The following CERKL variants were observed in gnomAD, a reference collection of about 807,000 sequenced individuals.
CERKL encodes the protein ceramide kinase-like protein.
Under a neutral mutation model 63.4 loss-of-function variants are expected in CERKL, and 61 were observed. The observed-to-expected ratio is 0.96, with a 90% CI of 0.78 to 1.19. The LOEUF (loss-of-function observed/expected upper bound fraction) is 1.19, where lower values mean the gene tolerates loss of function less well. Ranked by LOEUF, CERKL falls within the 50% of genes most tolerant of loss-of-function variation. The pLI is 0.00. For synonymous variants in CERKL, 250 were observed against 230.5 expected (o/e 1.08, Z -0.77); for missense variants, 675 against 655.5 (o/e 1.03, Z -0.33).
At chr2:181,625,698 G>A (rs1198924721) in intron 1 of CERKL, among the ~76,000 whole-genome samples, 2 of 152,120 alleles carry the variant, frequency 1.3e-5, no homozygotes, top group Non-Finnish European at 2.9e-5. Flanking sequence ...AATCTTGAGG[G>A]AAATGCTTTC....
At position 181,547,825 on chromosome 2, in the gene CERKL, A is replaced by T; in HGVS notation, c.1156T>A (p.Ser386Thr). ...AAGGAGATACTTTTCGACTCACCAGATTTGGGAGATCCCTGTGCCCTCCTA... is the reference window on the plus strand; with the variant it reads ...AAGGAGATACTTTTCGACTCACCAGTTTTGGGAGATCCCTGTGCCCTCCTA... ...QERRAQGSPK[S>T]DCNDQWQMIQ... Residue 386 changes from serine (S) to threonine (T), a missense_variant, in exon 9 of 13, where the codon TCT (serine) becomes ACT (threonine). Physicochemically the swap from Ser to Thr is moderately conservative, Grantham distance 58 (BLOSUM62 1). Transcript: ENST00000410087. 1 of 1,614,062 alleles carries T rather than the reference A, an allele frequency of 6.2e-7. No homozygotes were observed. Among genetic ancestry groups the T allele is most frequent in the South Asian group, 1.1e-5 (1 of 91,086 alleles).
intron 2 of CERKL, among the ~76,000 whole-genome samples, chr2:181,595,933 A>G (rs773638037): frequency 1.3e-5 from 2 of 152,362 alleles, no homozygotes; most frequent in Non-Finnish European, 2.9e-5. Flanking sequence ...AATGCTTAAT[A>G]AACATCAGCT....
chr2:181,595,869 G>T (rs1236033743), intron 2 of CERKL, among the ~76,000 whole-genome samples: 1 of 152,012 alleles, frequency 6.6e-6, no homozygotes, highest in African/African-American at 2.4e-5. Flanking sequence ...CTATTATTAT[G>T]AAGATTTAAT....
At chr2:181,616,206 ATTTTTTTTTTT>A (rs35040208) in intron 1 of CERKL, among the ~76,000 whole-genome samples, 2 of 110,056 alleles carry the variant, frequency 1.8e-5, no homozygotes, top group East Asian at 2.8e-4. Flanking sequence ...AAAAATCTAA[ATTTTTTTTTTT>A]TTTTTTTTTT....
In CERKL at chr2:181,538,180, C is replaced by T. The variant is rs534779132; in HGVS notation, c.*4G>A. ...TGTACATTTCTTTTAGAAACAATTA[C>T]ATGTTACTTTGGAATCATTTCTTCC... On this transcript the variant is annotated 3_prime_UTR_variant, in exon 13 of 13. Transcript: ENST00000410087. 25 of 1,546,566 alleles carry T rather than the reference C, an allele frequency of 1.6e-5. No homozygotes were observed. The African/African-American group carries it at 2.4e-4, about 15-fold the overall frequency.
At chr2:181,584,299 G>T (rs1684665074) in intron 2 of CERKL, among the ~76,000 whole-genome samples, 1 of 151,958 alleles carries the variant, frequency 6.6e-6, no homozygotes, top group Non-Finnish European at 1.5e-5. Context: ...AATGCTTGAG[G>T]CCAGGAGTTA....
chr2:181,566,598 A>G (rs1209540826), intron 3 of CERKL, among the ~76,000 whole-genome samples: 1 of 152,184 alleles, frequency 6.6e-6, no homozygotes, highest in Admixed American at 6.6e-5. Context: ...CTGTTAGACT[A>G]AAAAGAGGAA....
intron 2 of CERKL, among the ~76,000 whole-genome samples, chr2:181,593,982 G>C (rs999779404): frequency 6.6e-6 from 1 of 151,908 alleles, no homozygotes; most frequent in Admixed American, 6.6e-5. Context: ...TCAGAGTGCT[G>C]ATTCCTTAGC....
At chr2:181,596,473 G>A (rs1685214344) in intron 2 of CERKL, among the ~76,000 whole-genome samples, 1 of 152,166 alleles carries the variant, frequency 6.6e-6, no homozygotes, top group Non-Finnish European at 1.5e-5. Context: ...TAGAGGTTAT[G>A]AGCTAGGGCT....
intron 5 of CERKL, among the ~76,000 whole-genome samples, chr2:181,554,899 G>T (rs1688140653): frequency 6.6e-6 from 1 of 151,990 alleles, no homozygotes; most frequent in Non-Finnish European, 1.5e-5. Context: ...CCCCACACAT[G>T]ACTTTCCCCT....
intron 1 of CERKL, among the ~76,000 whole-genome samples, chr2:181,637,476 C>G (rs979377032): frequency 1.3e-5 from 2 of 151,938 alleles, no homozygotes; most frequent in African/African-American, 4.8e-5. Flanking sequence ...GGGCATATTG[C>G]TAAGTAAGAA....
intron 1 of CERKL, chr2:181,650,165 A>AAG (rs1687863905): frequency 8.5e-6 from 1 of 117,248 alleles, no homozygotes; most frequent in Non-Finnish European, 1.8e-5. Flanking sequence ...AAGGAAGGAA[A>AAG]GAAGGAAGGA....
intron 2 of CERKL, among the ~76,000 whole-genome samples, chr2:181,575,952 G>A (rs942455135): frequency 2.0e-4 from 31 of 152,134 alleles, no homozygotes; most frequent in African/African-American, 7.0e-4. Context: ...TTGTCTCAGA[G>A]TAAGGCTTCT....
chr2:181,655,533 C>T (rs1688118509), intron 1 of CERKL, among the ~76,000 whole-genome samples: 1 of 152,194 alleles, frequency 6.6e-6, no homozygotes, highest in South Asian at 2.1e-4. Flanking sequence ...TTTTAAAACA[C>T]CTGAAAACAC....
chr2:181,626,281 G>A (rs567768843), intron 1 of CERKL, among the ~76,000 whole-genome samples: 12 of 151,886 alleles, frequency 7.9e-5, no homozygotes, highest in Non-Finnish European at 1.3e-4. Context: ...GAGAAAAAGC[G>A]AACAACAGAG....
chr2:181,543,586 T>C (rs1177576956), intron 11 of CERKL, among the ~76,000 whole-genome samples: 1 of 152,174 alleles, frequency 6.6e-6, no homozygotes, highest in African/African-American at 2.4e-5. Flanking sequence ...TTGCTATGGC[T>C]AAGGTACATA....
intron 1 of CERKL, among the ~76,000 whole-genome samples, chr2:181,622,459 G>T (rs113438336): frequency 2.9e-3 from 449 of 152,302 alleles, no homozygotes; most frequent in African/African-American, 9.9e-3. Context: ...TTGCTAACTT[G>T]AAGGCTGCAC....
chr2:181,565,930 C>A (rs1303822098), intron 4 of CERKL, 128 bp downstream of exon 4: 3 of 671,296 alleles, frequency 4.5e-6, no homozygotes, highest in Non-Finnish European at 8.0e-6. Flanking sequence ...TAGATATGAA[C>A]AAGATAGAGC....
Position 181,656,835 on chromosome 2 carries a change from T to C in CERKL, c.172A>G (p.Ser58Gly), listed in dbSNP as rs760726181. 2.5e-6 allele frequency: 4 copies of C among 1,604,342 alleles called. No individual in the cohort carries two copies. Among genetic ancestry groups the C allele is most frequent in the Non-Finnish European group, 3.4e-6 (4 of 1,173,570 alleles). ...CGCTCGCTCAGCACCACGTCACAAC[T>C]GTCCCTCCCGATCTCGAAGATGCCC... ...LRGIFEIGRD[S>G]CDVVLSERAL... The change falls in exon 1 of 13, where the codon AGT (serine) becomes GGT (glycine). Residue 58 changes from serine to glycine, a missense_variant. By Grantham distance (56) the Ser-to-Gly change is moderately conservative (BLOSUM62 0). Coordinates refer to ENST00000410087, the MANE Select transcript of CERKL (RefSeq NM_201548.5).
Sources: allele counts gnomAD v4.1 joint callset (sites outside exome capture counted in the v4.1 genomes callset), GRCh38; gene constraint gnomAD v4.1.1; transcripts MANE v1.5; gene names NCBI Gene and HGNC (gene_info 2026-07-23, HGNC 2026-07-21).